Variants in DNAH17 observed in about 807,000 individuals in gnomAD.
The protein encoded by DNAH17 is dynein axonemal heavy chain 17, also known as axonemal beta dynein heavy chain 17.
A neutral mutation model predicts 485.6 loss-of-function variants in DNAH17; 376 were observed. That is an observed-to-expected ratio of 0.77 (90% confidence interval 0.71 to 0.84). The LOEUF (loss-of-function observed/expected upper bound fraction) is 0.84, where lower values mean the gene tolerates loss of function less well. DNAH17 is among the 40% of genes least tolerant of loss of function. The pLI is 0.00. For missense variants in DNAH17, 6,370 were observed against 5,839.3 expected (o/e 1.09, Z -2.96); for synonymous variants, 3,031 against 2,405.9 (o/e 1.26, Z -7.60).
intron 18 of DNAH17, among the ~76,000 whole-genome samples, chr17:78,538,138 CAAAAAAAAAAAAA>C (rs60460125): frequency 1.9e-5 from 2 of 106,292 alleles, no homozygotes; most frequent in Non-Finnish European, 3.6e-5. Context: ...ACTCTGTCTC[CAAAAAAAAAAAAA>C]AAAAAAAAAA....
At chr17:78,463,289 G>A (rs75514936) in intron 56 of DNAH17, among the ~76,000 whole-genome samples, 6 of 152,318 alleles carry the variant, frequency 3.9e-5, no homozygotes, top group East Asian at 3.9e-4. Flanking sequence ...CAGCGCACAG[G>A]ACACAGCAGA....
chr17:78,545,370 G>A (rs2091730637), intron 16 of DNAH17, among the ~76,000 whole-genome samples: 1 of 152,102 alleles, frequency 6.6e-6, no homozygotes, highest in Non-Finnish European at 1.5e-5. Flanking sequence ...CATATACTAG[G>A]GGGCTTAAGC....
chr17:78,427,247 G>A, intron 77 of DNAH17, 139 bp from the exon 78 acceptor site: 1 of 793,938 alleles, frequency 1.3e-6, no homozygotes. Flanking sequence ...TGCCAGAAAT[G>A]CAGGGTCATG....
At chr17:78,522,854 C>CTT in intron 25 of DNAH17, 3 of 155,270 alleles carry the variant, frequency 1.9e-5, no homozygotes, top group South Asian at 3.1e-4. Flanking sequence ...TTTCCTTTTT[C>CTT]TTTCTTTTTT....
chr17:78,436,944 A>G (rs1377850325), intron 74 of DNAH17, among the ~76,000 whole-genome samples: 2 of 152,184 alleles, frequency 1.3e-5, no homozygotes, highest in African/African-American at 4.8e-5. Context: ...CTGTGAGGGA[A>G]GAGTCAGGTG....
intron 27 of DNAH17, among the ~76,000 whole-genome samples, chr17:78,509,777 A>G (rs1360714509): frequency 6.6e-6 from 1 of 152,218 alleles, no homozygotes; most frequent in African/African-American, 2.4e-5. Flanking sequence ...ACCACAGACA[A>G]AGACGCTTGA....
At chr17:78,518,062 TTAAAA>T (rs1233245063) in intron 25 of DNAH17, among the ~76,000 whole-genome samples, 2 of 152,106 alleles carry the variant, frequency 1.3e-5, no homozygotes, top group African/African-American at 2.4e-5. Context: ...CCTAAAAATG[TTAAAA>T]TAAAAGAGAG....
chr17:78,464,453 G>T (rs34258651), intron 56 of DNAH17, among the ~76,000 whole-genome samples: 16,550 of 152,170 alleles, frequency 0.11, 1,200 homozygotes, highest in Admixed American at 0.23. Flanking sequence ...TAGAGATGGG[G>T]TTTCACCATG....
intron 13 of DNAH17, among the ~76,000 whole-genome samples, chr17:78,560,282 G>A (rs2092124040): frequency 6.6e-6 from 1 of 152,186 alleles, no homozygotes; most frequent in South Asian, 2.1e-4. Context: ...CCGCATCTCT[G>A]GTTTCCCTGC....
At chr17:78,426,379 C>G in intron 79 of DNAH17, 78 bp downstream of exon 79, 5 of 1,458,166 alleles carry the variant, frequency 3.4e-6, no homozygotes, top group Middle Eastern at 2.1e-4. Flanking sequence ...CCTGCAGGCT[C>G]TAGGGTGTGG....
At chr17:78,462,326 C>T (rs1167403904) in intron 57 of DNAH17, among the ~76,000 whole-genome samples, 2 of 152,086 alleles carry the variant, frequency 1.3e-5, no homozygotes, top group African/African-American at 4.8e-5. Context: ...AGTCTGTTCA[C>T]AACTCCAGCA....
At position 78,475,340 on chromosome 17, in the gene DNAH17, T is replaced by G. The variant is rs2088965000; in HGVS notation, c.8449A>C (p.Ile2817Leu). 1 of 1,613,894 alleles carries G rather than the reference T, an allele frequency of 6.2e-7. No homozygotes were observed. The highest frequency in any genetic ancestry group is 1.3e-5 in the African/African-American group (1 of 74,918). The change falls in exon 54 of 81, where the codon ATC (isoleucine) becomes CTC (leucine). Residue 2817 changes from isoleucine (I) to leucine (L), a missense_variant. Physicochemically the swap from Ile to Leu is conservative, Grantham distance 5 (BLOSUM62 2). Coordinates refer to ENST00000389840, the MANE Select transcript of DNAH17 (RefSeq NM_173628.4). ...ATCTGAAACACGTCAAGCCCGCTGATGTACGCTGCCAGGCGGGAGAGGCTC... is the reference window on the plus strand; with the variant it reads ...ATCTGAAACACGTCAAGCCCGCTGAGGTACGCTGCCAGGCGGGAGAGGCTC... ...KQSLSRLAAY[I>L]SGLDVFQITL... is the part of the protein sequence containing the mutation.
chr17:78,559,511 T>C (rs1010950390), intron 13 of DNAH17, among the ~76,000 whole-genome samples: 25 of 152,160 alleles, frequency 1.6e-4, no homozygotes, highest in Non-Finnish European at 3.2e-4. Flanking sequence ...CACCACCACC[T>C]TCACTGCTGC....
chr17:78,426,824 G>T, intron 78 of DNAH17, 102 bp downstream of exon 78: 1 of 1,412,316 alleles, frequency 7.1e-7, no homozygotes, highest in Non-Finnish European at 9.7e-7. Flanking sequence ...GCAGTACCAT[G>T]CTGATCCGGG....
chr17:78,477,590 G>A (rs1201182431), intron 51 of DNAH17, among the ~76,000 whole-genome samples: 5 of 152,110 alleles, frequency 3.3e-5, no homozygotes, highest in Non-Finnish European at 7.4e-5. Flanking sequence ...TGTTGGCCAG[G>A]CTGGTCTCGA....
At chr17:78,486,870 G>A (rs1226787919) in intron 44 of DNAH17, among the ~76,000 whole-genome samples, 1 of 152,148 alleles carries the variant, frequency 6.6e-6, no homozygotes, top group Non-Finnish European at 1.5e-5. Flanking sequence ...TCATGTGGGG[G>A]GCACGAAGGT....
At chr17:78,487,334 A>ACGTGCT (rs2146654693) in intron 44 of DNAH17, among the ~76,000 whole-genome samples, 1 of 152,352 alleles carries the variant, frequency 6.6e-6, no homozygotes, top group Non-Finnish European at 1.5e-5. Flanking sequence ...TAAAGCTCAG[A>ACGTGCT]GAAGGGGGCC....
chr17:78,563,488 C>A (rs75979745), intron 11 of DNAH17, among the ~76,000 whole-genome samples: 6,742 of 142,736 alleles, frequency 0.047, 379 homozygotes, highest in African/African-American at 0.14. Context: ...TAGAAAAAAA[C>A]CCCAAAAACC....
At chr17:78,514,503 C>CAAAAA (rs79884057) in intron 26 of DNAH17, among the ~76,000 whole-genome samples, 47 of 112,064 alleles carry the variant, frequency 4.2e-4, no homozygotes, top group East Asian at 1.3e-3. Flanking sequence ...GACTCCGTCT[C>CAAAAA]AAAAAAAAAA....
Sources: gnomAD v4.1 joint callset for allele counts (sites outside exome capture counted in the v4.1 genomes callset) on GRCh38, gnomAD v4.1.1 for gene constraint, MANE v1.5 for transcripts, NCBI Gene and HGNC (gene_info 2026-07-23, HGNC 2026-07-21) for gene names.